NXPE1: variants seen among roughly 807,000 people sequenced by gnomAD.
NXPE1 encodes the protein NXPE family member 1.
Under a neutral mutation model 33.3 loss-of-function variants are expected in NXPE1, and 31 were observed. That is an observed-to-expected ratio of 0.93 (90% CI 0.70 to 1.26). NXPE1 has a LOEUF of 1.26. Among genes scored for constraint, NXPE1 ranks in the 50% most tolerant of loss-of-function variants. The pLI is 0.00. For synonymous variants in NXPE1, 229 were observed against 231.4 expected (o/e 0.99, Z 0.09); for missense variants, 661 against 655.6 (o/e 1.01, Z -0.09).
At chr11:114,519,564 G>A (rs527568365), downstream of NXPE1, among the ~76,000 whole-genome samples, 60 of 152,004 alleles carry the variant, frequency 3.9e-4, no homozygotes, top group Non-Finnish European at 8.1e-4. Flanking sequence ...ATTCTTTCCC[G>A]GGGTGTCAGG....
At position 114,530,195 on chromosome 11, in the gene NXPE1, C is replaced by T. The variant is rs138969616; in HGVS notation, c.813G>A (p.Lys271=). 3,025 of 1,607,582 alleles carry T rather than the reference C, an allele frequency of 1.9e-3. 41 individuals carry two copies. Among genetic ancestry groups the T allele is most frequent in the Admixed American group, 0.011 (620 of 58,798 alleles). ...CTCACCTGTGGAAAAGGCTGTTTTC[C>T]TTGTCTGTAAGATAAGATACCTCTC... Residue 271 remains lysine (K), a synonymous_variant, in exon 6 of 9, where the codon AAG becomes AAA. Coordinates refer to ENST00000534921, the Ensembl canonical transcript of NXPE1.
At chr11:114,546,026 A>T (rs1948269531) in intron 5 of NXPE1, among the ~76,000 whole-genome samples, 9 of 152,108 alleles carry the variant, frequency 5.9e-5, no homozygotes, top group Admixed American at 5.9e-4. Context: ...AAAAATCAAT[A>T]AGGAGATTGA....
chr11:114,527,840 T>C (rs201428698), exon 7 of NXPE1: 139 of 1,604,968 alleles, frequency 8.7e-5, no homozygotes, highest in Middle Eastern at 6.6e-4. Context: ...GCCAACTTAC[T>C]GTTACAATTA....
At chr11:114,530,497 A>G (rs1323866968) in exon 6 of NXPE1, 4 of 1,613,972 alleles carry the variant, frequency 2.5e-6, no homozygotes, top group Middle Eastern at 1.6e-4. Flanking sequence ...CCCTCCCAGA[A>G]CAGAGTGAAG....
At chr11:114,537,480 G>A (rs1407684898) in intron 5 of NXPE1, among the ~76,000 whole-genome samples, 1 of 152,134 alleles carries the variant, frequency 6.6e-6, no homozygotes, top group Non-Finnish European at 1.5e-5. Flanking sequence ...AGGAAAAGAG[G>A]AAGTCAGATT....
intron 1 of NXPE1, among the ~76,000 whole-genome samples, chr11:114,558,972 G>A (rs918227013): frequency 1.3e-5 from 2 of 152,096 alleles, no homozygotes; most frequent in Non-Finnish European, 2.9e-5. Flanking sequence ...AACATGTAGT[G>A]GATGTGTATT....
chr11:114,558,438 A>G (rs1487734371), intron 1 of NXPE1, among the ~76,000 whole-genome samples: 1 of 152,162 alleles, frequency 6.6e-6, no homozygotes. Context: ...AATTAAATAT[A>G]TGATGTTGGA....
At position 114,522,959 on chromosome 11, in the gene NXPE1, CA is replaced by C. The variant is rs1317338039; in HGVS notation, c.1027del (p.Cys343ValfsTer2). 3 of 1,613,486 alleles carry C rather than the reference CA, an allele frequency of 1.9e-6. No homozygotes were observed. In the Admixed American group the frequency reaches 5.0e-5, roughly 27 times the overall value. ...GAGGTAAATGAGTTTGCCTTTCAAA[CA>C]GCCATTTATCTTAATTGTGTCTAAC... On this transcript the variant is annotated frameshift_variant, in exon 8 of 9. Coordinates refer to ENST00000534921, the Ensembl canonical transcript of NXPE1. LOFTEE classifies it high-confidence loss of function.
intron 5 of NXPE1, among the ~76,000 whole-genome samples, chr11:114,532,918 A>C (rs1399852652): frequency 2.6e-5 from 4 of 152,182 alleles, no homozygotes; most frequent in Admixed American, 6.5e-5. Context: ...TCTCAGACTT[A>C]TCTGATTGGA....
chr11:114,529,978 A>G (rs989145910), intron 6 of NXPE1, 197 bp downstream of exon 6: 9 of 548,678 alleles, frequency 1.6e-5, no homozygotes, highest in African/African-American at 1.3e-4. Flanking sequence ...AGCAAAACAC[A>G]TGACTGAATG....
intron 7 of NXPE1, among the ~76,000 whole-genome samples, chr11:114,524,604 A>T (rs1460333348): frequency 6.6e-6 from 1 of 152,128 alleles, no homozygotes; most frequent in Non-Finnish European, 1.5e-5. Context: ...ATAGCATTGC[A>T]CCCTAGATGA....
intron 1 of NXPE1, among the ~76,000 whole-genome samples, chr11:114,555,178 T>C (rs1389125268): frequency 1.3e-5 from 2 of 152,146 alleles, no homozygotes; most frequent in East Asian, 3.9e-4. Context: ...ATTGTTTCAG[T>C]TTTGTTTTTA....
At chr11:114,521,813 A>G in exon 9 of NXPE1, 1 of 590,472 alleles carries the variant, frequency 1.7e-6, no homozygotes, top group Non-Finnish European at 2.9e-6. Context: ...TGCATCCCTT[A>G]TCAGTTGTCA....
chr11:114,518,969 T>G (rs2134873445), downstream of NXPE1, among the ~76,000 whole-genome samples: 1 of 152,336 alleles, frequency 6.6e-6, no homozygotes, highest in East Asian at 1.9e-4. Context: ...CAAACCACTT[T>G]TATTAGTAAT....
At chr11:114,555,109 C>CT (rs1201105863) in intron 1 of NXPE1, among the ~76,000 whole-genome samples, 7 of 150,060 alleles carry the variant, frequency 4.7e-5, no homozygotes, top group African/African-American at 7.4e-5. Flanking sequence ...ATTTGTGGTT[C>CT]TTTTTTTTGT....
At chr11:114,532,931 G>T (rs571399178) in intron 5 of NXPE1, among the ~76,000 whole-genome samples, 2 of 152,072 alleles carry the variant, frequency 1.3e-5, no homozygotes, top group South Asian at 2.1e-4. Flanking sequence ...TGATTGGATT[G>T]CAGCTGCAAT....
At chr11:114,523,316 C>A (rs1240777848) in intron 7 of NXPE1, among the ~76,000 whole-genome samples, 1 of 152,102 alleles carries the variant, frequency 6.6e-6, no homozygotes, top group Admixed American at 6.6e-5. Context: ...TAATTCCTTT[C>A]CTCCTAAATT....
intron 5 of NXPE1, among the ~76,000 whole-genome samples, chr11:114,534,508 A>G (rs1206132075): frequency 6.6e-6 from 1 of 152,230 alleles, no homozygotes; most frequent in Admixed American, 6.5e-5. Context: ...GGAAGTTCGA[A>G]TCAATGGCAA....
chr11:114,534,056 T>C (rs1014156018), intron 5 of NXPE1, among the ~76,000 whole-genome samples: 13 of 152,266 alleles, frequency 8.5e-5, no homozygotes, highest in Admixed American at 3.9e-4. Context: ...GACTGACACC[T>C]CACACTGCCG....
Sources: allele counts gnomAD v4.1 joint callset (sites outside exome capture counted in the v4.1 genomes callset), GRCh38; gene constraint gnomAD v4.1.1; transcripts MANE v1.5; gene names NCBI Gene and HGNC (gene_info 2026-07-23, HGNC 2026-07-21).